The following ALMS1 variants were observed in gnomAD, a reference collection of about 807,000 sequenced individuals.
ALMS1 encodes the protein centrosome-associated protein ALMS1.
A neutral mutation model predicts 352.2 loss-of-function variants in ALMS1; 271 were observed. The observed-to-expected ratio is 0.77, with a 90% CI of 0.70 to 0.85. ALMS1 has a LOEUF of 0.85. Ranked by LOEUF, ALMS1 falls within the 40% of genes least tolerant of loss-of-function variation. The pLI is 0.00. For missense variants in ALMS1, 5,445 were observed against 4,870.7 expected (o/e 1.12, Z -3.51); for synonymous variants, 1,865 against 1,761.2 (o/e 1.06, Z -1.48).
chr2:73,604,736 T>A (rs1314675073), intron 21 of ALMS1, among the ~76,000 whole-genome samples: 1 of 152,206 alleles, frequency 6.6e-6, no homozygotes, highest in African/African-American at 2.4e-5. Context: ...TCAGGCAATT[T>A]GCAAGCTCAA....
At chr2:73,441,803 T>A (rs1671724727) in intron 7 of ALMS1, among the ~76,000 whole-genome samples, 1 of 152,108 alleles carries the variant, frequency 6.6e-6, no homozygotes, top group Non-Finnish European at 1.5e-5. Flanking sequence ...TTTTGGTTTC[T>A]AGGGAAGTGG....
In ALMS1 at chr2:73,527,369, G is replaced by C. The variant is rs924420883; in HGVS notation, c.9781+7353G>C. On this transcript the variant is annotated intron_variant, in intron 11 of 22. Transcript: ENST00000613296. ...AGTATTAGTTCTTCTTTAACTATTT[G>C]GTACAATTCGGCAGTTAAGCCATTG... 2.6e-5 allele frequency among the ~76,000 whole-genome samples: 4 copies of C among 151,496 alleles called. No individual in the cohort carries two copies. In the South Asian group the frequency reaches 6.2e-4, roughly 24 times the overall value.
intron 9 of ALMS1, among the ~76,000 whole-genome samples, chr2:73,462,036 A>T (rs1236126692): frequency 5.9e-5 from 9 of 151,888 alleles, no homozygotes; most frequent in Non-Finnish European, 1.2e-4. Context: ...ACTCTGCAGG[A>T]TATTATCCGG....
intron 9 of ALMS1, among the ~76,000 whole-genome samples, chr2:73,483,306 A>G (rs199634601): frequency 0.06 from 9,119 of 151,238 alleles, 425 homozygotes; most frequent in East Asian, 0.22. Flanking sequence ...GAACATCTTT[A>G]TTTGTGCCTT....
At chr2:73,596,623 C>T (rs923013134) in intron 16 of ALMS1, among the ~76,000 whole-genome samples, 1 of 151,902 alleles carries the variant, frequency 6.6e-6, no homozygotes, top group Non-Finnish European at 1.5e-5. Context: ...AGGTGCGTGC[C>T]ACCACACCCA....
Position 73,609,566 on chromosome 2 carries a change from A to G in ALMS1, c.12463-2A>G, listed in dbSNP as rs1220934508. ...CTTTCCTGCCTTTCTTTTCTTCTAC[A>G]GAGAGTGACCAATCAACTTCTGGGG... is the stretch of plus-strand genomic sequence containing the variant. On this transcript the variant is annotated splice_acceptor_variant, in intron 22 of 22. Coordinates refer to ENST00000613296, the MANE Select transcript of ALMS1 (RefSeq NM_001378454.1). LOFTEE classifies it high-confidence loss of function. 6.2e-7 allele frequency: 1 copy of G among 1,614,136 alleles called. No individual in the cohort carries two copies.
At chr2:73,560,584 AG>A (rs1674637105) in intron 15 of ALMS1, among the ~76,000 whole-genome samples, 1 of 152,226 alleles carries the variant, frequency 6.6e-6, no homozygotes, top group Non-Finnish European at 1.5e-5. Context: ...GACTTCAAAA[AG>A]CTACCTGTAT....
In ALMS1 at chr2:73,600,511, T is replaced by C. The variant is rs577793063; in HGVS notation, c.11669-167T>C. Among the ~76,000 whole-genome samples, 4 of 152,322 alleles carry C rather than the reference T, an allele frequency of 2.6e-5. No individual in the cohort carries two copies. In the South Asian group the frequency reaches 8.3e-4, roughly 32 times the overall value. ...TTTTCTTTGCCCTCTTTTTCCCTCC[T>C]ACTCTCCCCTGTCCTTCTTTCTCTT... On this transcript the variant is annotated intron_variant, in intron 17 of 22. Coordinates refer to ENST00000613296, the MANE Select transcript of ALMS1 (RefSeq NM_001378454.1).
At chr2:73,425,448 A>G (rs1191175837) in intron 5 of ALMS1, among the ~76,000 whole-genome samples, 1 of 152,094 alleles carries the variant, frequency 6.6e-6, no homozygotes, top group Non-Finnish European at 1.5e-5. Context: ...TACCTCTAAA[A>G]TGGAGGCTTC....
intron 10 of ALMS1, among the ~76,000 whole-genome samples, chr2:73,496,057 C>T (rs1673100694): frequency 6.6e-6 from 1 of 152,192 alleles, no homozygotes. Flanking sequence ...GTACGTGATT[C>T]ATTTATAATA....
intron 9 of ALMS1, chr2:73,459,226 C>G (rs1356815894): frequency 6.6e-6 from 1 of 152,066 alleles, no homozygotes; most frequent in Non-Finnish European, 1.5e-5. Context: ...TGTAGGAAAG[C>G]CACAGAAGTG....
In ALMS1 at chr2:73,424,620, A is replaced by G. The variant is rs376892136; in HGVS notation, c.955A>G (p.Asn319Asp). ...CCCTTTTTTACCTTCTGAACAAGGG[A>G]ATAATGAAGAGACTATTTCGTCTGT... ...QCPFLPSEQG[N>D]NEETISSVDE... The change falls in exon 5 of 23, where the codon AAT becomes GAT. Residue 319 changes from asparagine (N) to aspartate (D), a missense_variant. Physicochemically the swap from Asn to Asp is conservative, Grantham distance 23. Coordinates refer to ENST00000613296, the MANE Select transcript of ALMS1 (RefSeq NM_001378454.1). 15 of 1,614,026 alleles carry G rather than the reference A, an allele frequency of 9.3e-6. No homozygotes were observed. In the African/African-American group the frequency reaches 1.2e-4, roughly 13 times the overall value.
intron 9 of ALMS1, among the ~76,000 whole-genome samples, chr2:73,466,682 A>G (rs1672354469): frequency 1.3e-5 from 2 of 152,260 alleles, no homozygotes. Context: ...ACCTCAGACT[A>G]AACGGAAATA....
At chr2:73,395,046 ATATATATATATGTG>A (rs1558628449) in intron 1 of ALMS1, among the ~76,000 whole-genome samples, 26 of 111,504 alleles carry the variant, frequency 2.3e-4, no homozygotes, top group Non-Finnish European at 4.2e-4. Context: ...ATGTGTGTGT[ATATATATATATGTG>A]TATATATATA....
At chr2:73,407,617 T>C (rs984568871) in intron 1 of ALMS1, among the ~76,000 whole-genome samples, 1 of 152,238 alleles carries the variant, frequency 6.6e-6, no homozygotes, top group African/African-American at 2.4e-5. Context: ...CTTGAAGGAC[T>C]GCCATTAGCA....
At chr2:73,548,107 TC>T (rs1355036658) in intron 12 of ALMS1, among the ~76,000 whole-genome samples, 1 of 152,076 alleles carries the variant, frequency 6.6e-6, no homozygotes, top group Non-Finnish European at 1.5e-5. Flanking sequence ...AAAATGAGAT[TC>T]CTATTATACA....
In ALMS1 at chr2:73,603,292, A is replaced by G. The variant is rs200038446; in HGVS notation, c.12350A>G (p.Gln4117Arg). The G allele has an allele frequency of 1.7e-4, 277 of 1,614,030 alleles. 1 individual carries two copies. The highest frequency in any genetic ancestry group is 2.2e-4 in the Non-Finnish European group (265 of 1,180,000). The change falls in exon 21 of 23, where the codon CAG becomes CGG. Residue 4117 changes from glutamine (Q) to arginine (R), a missense_variant. By Grantham distance (43) the Gln-to-Arg change is conservative. Coordinates refer to ENST00000613296, the MANE Select transcript of ALMS1 (RefSeq NM_001378454.1). Reference sequence around the variant, plus strand: ...CCTATCAGCAAGAAGGAAATGATTCAGAGGTCCAAACGGTAAGACCAAGAA... The same window carrying G: ...CCTATCAGCAAGAAGGAAATGATTCGGAGGTCCAAACGGTAAGACCAAGAA... ...NKPISKKEMI[Q>R]RSKRIYEQLP...
intron 7 of ALMS1, among the ~76,000 whole-genome samples, chr2:73,440,991 G>C (rs1558645188): frequency 6.6e-6 from 1 of 152,144 alleles, no homozygotes; most frequent in Non-Finnish European, 1.5e-5. Flanking sequence ...CTCAGTCCCT[G>C]TTGGTGATGC....
intron 10 of ALMS1, 93 bp downstream of exon 10, chr2:73,491,591 C>T (rs775803161): frequency 6.5e-5 from 88 of 1,355,998 alleles, no homozygotes; most frequent in Middle Eastern, 1.8e-4. Flanking sequence ...GGGGAAAGGC[C>T]GTGTGATTTC....
Sources: allele counts gnomAD v4.1 joint callset (sites outside exome capture counted in the v4.1 genomes callset), GRCh38; gene constraint gnomAD v4.1.1; transcripts MANE v1.5; gene names NCBI Gene and HGNC (gene_info 2026-07-23, HGNC 2026-07-21).